UBQLN1: variants seen among roughly 807,000 people sequenced by gnomAD.
UBQLN1 encodes ubiquilin-1.
Under a neutral mutation model 65.4 loss-of-function variants are expected in UBQLN1, and 13 were observed. That is an observed-to-expected ratio of 0.20 (90% CI 0.13 to 0.32). The LOEUF (loss-of-function observed/expected upper bound fraction) is 0.32, where lower values mean the gene tolerates loss of function less well. Ranked by LOEUF, UBQLN1 falls within the 10% of genes least tolerant of loss-of-function variation. UBQLN1 has a pLI of 1.00. For synonymous variants in UBQLN1, 267 were observed against 247.8 expected, an observed-to-expected ratio of 1.08 and a Z score of -0.73; for missense variants, 561 against 724.0, an observed-to-expected ratio of 0.77 and a Z score of 2.58.
rs149603256 is a variant in UBQLN1 at position 83,670,363 on chromosome 9, T to C, written c.1106-1036A>G. ...AGTTCTTGTTTTTCCTATTTTCTCA[T>C]GTTGTAAATTTTAACTTAGTTTTTT... On this transcript the variant is annotated intron_variant, in intron 6 of 10. Transcript: ENST00000376395. 1.1e-3 allele frequency among the ~76,000 whole-genome samples: 162 copies of C among 152,276 alleles called. 5 individuals carry two copies. In the East Asian group the frequency reaches 0.024, roughly 22 times the overall value.
chr9:83,690,417 G>A (rs1171338339), intron 1 of UBQLN1, among the ~76,000 whole-genome samples: 2 of 152,052 alleles, frequency 1.3e-5, no homozygotes. Flanking sequence ...TGAGAATAGT[G>A]GTTACCTTAA....
intron 1 of UBQLN1, among the ~76,000 whole-genome samples, chr9:83,705,222 T>C (rs1025826596): frequency 3.4e-5 from 5 of 148,854 alleles, no homozygotes; most frequent in South Asian, 2.1e-4. Context: ...TTTTTCAGTA[T>C]ATGTGCTGCT....
chr9:83,673,601 T>G (rs1831777368), intron 6 of UBQLN1, among the ~76,000 whole-genome samples: 1 of 150,344 alleles, frequency 6.7e-6, no homozygotes, highest in Non-Finnish European at 1.5e-5. Flanking sequence ...GTTTTTATTT[T>G]TAAATAGTTA....
At chr9:83,668,154 T>C in intron 7 of UBQLN1, 6 of 985,402 alleles carry the variant, frequency 6.1e-6, no homozygotes, top group Non-Finnish European at 7.2e-6. Context: ...GTACCTCCAA[T>C]ATACAGAATC....
chr9:83,702,535 T>C (rs996727310), intron 1 of UBQLN1, among the ~76,000 whole-genome samples: 1 of 152,198 alleles, frequency 6.6e-6, no homozygotes, highest in African/African-American at 2.4e-5. Context: ...TAAGCAGCCA[T>C]ACTGAAAAAA....
intron 2 of UBQLN1, among the ~76,000 whole-genome samples, chr9:83,684,139 G>C (rs904320697): frequency 1.3e-5 from 2 of 151,998 alleles, no homozygotes; most frequent in Admixed American, 6.6e-5. Context: ...AATAAAAAGC[G>C]AGAGACTTCA....
intron 1 of UBQLN1, among the ~76,000 whole-genome samples, chr9:83,705,988 G>T (rs1490433383): frequency 6.6e-6 from 1 of 151,924 alleles, no homozygotes. Flanking sequence ...TGAAATGACT[G>T]GGAAAAGGCA....
intron 2 of UBQLN1, among the ~76,000 whole-genome samples, chr9:83,685,527 G>A (rs1325222980): frequency 6.6e-6 from 1 of 151,738 alleles, no homozygotes; most frequent in Admixed American, 6.6e-5. Context: ...GGTGCCAGCT[G>A]GACACTGTGG....
rs867795971 is a variant in UBQLN1, at chr9:83,707,598, C to T, written c.82G>A (p.Ala28Thr). The T allele has an allele frequency of 1.2e-6, 2 of 1,600,488 alleles. No individual in the cohort carries two copies. Among genetic ancestry groups the T allele is most frequent in the Non-Finnish European group, 1.7e-6 (2 of 1,174,278 alleles). The change falls in exon 1 of 11, where the codon GCC becomes ACC. Residue 28 changes from alanine to threonine, a missense_variant. Coordinates refer to ENST00000376395, the MANE Select transcript of UBQLN1 (RefSeq NM_013438.5). ...AGAEGAGAPA[A>T]AASAEPKIMK... ...ATTTTGGGCTCCGCGGAGGCAGCGG[C>T]CGCGGGGGCGCCAGCACCTTCGGCT...
intron 1 of UBQLN1, among the ~76,000 whole-genome samples, chr9:83,693,850 G>A (rs924758076): frequency 4.6e-5 from 7 of 152,178 alleles, no homozygotes; most frequent in African/African-American, 9.7e-5. Context: ...GTGTGACCTG[G>A]AGGATGTTAC....
intron 1 of UBQLN1, among the ~76,000 whole-genome samples, chr9:83,697,838 C>T (rs1272869502): frequency 1.4e-5 from 2 of 147,758 alleles, no homozygotes; most frequent in Non-Finnish European, 3.0e-5. Context: ...CAGGTTCAAG[C>T]GATTCTCCCG....
At chr9:83,683,218 C>G in intron 2 of UBQLN1, 152 bp from the exon 3 acceptor site, 1 of 485,672 alleles carries the variant, frequency 2.1e-6, no homozygotes, top group Non-Finnish European at 3.7e-6. Flanking sequence ...AGAGAACATC[C>G]TGGCTAACAC....
At chr9:83,685,613 C>CT (rs1401204146) in intron 2 of UBQLN1, among the ~76,000 whole-genome samples, 1 of 122,708 alleles carries the variant, frequency 8.1e-6, no homozygotes, top group Non-Finnish European at 1.6e-5. Flanking sequence ...GACTCTGTCT[C>CT]TTAAAAAAAA....
At chr9:83,671,470 A>T (rs1345704553) in intron 6 of UBQLN1, among the ~76,000 whole-genome samples, 29 of 152,280 alleles carry the variant, frequency 1.9e-4, no homozygotes, top group African/African-American at 6.3e-4. Flanking sequence ...TGCAGAATGA[A>T]TGCTGTGTTA....
At chr9:83,664,147 A>G in intron 9 of UBQLN1, 104 bp from the exon 10 acceptor site, 18 of 1,338,270 alleles carry the variant, frequency 1.3e-5, no homozygotes, top group Non-Finnish European at 1.8e-5. Context: ...TTCTTAAAAT[A>G]AGCCCTTTTG....
At chr9:83,690,943 G>GCCTAGCCAACATGGCAAAAC (rs894006079) in intron 1 of UBQLN1, among the ~76,000 whole-genome samples, 1 of 152,086 alleles carries the variant, frequency 6.6e-6, no homozygotes, top group African/African-American at 2.4e-5. Flanking sequence ...TTCGAGACTA[G>GCCTAGCCAACATGGCAAAAC]CCTAGCCAAC....
intron 1 of UBQLN1, 25 bp downstream of exon 1, chr9:83,707,475 C>A: frequency 6.3e-7 from 1 of 1,594,594 alleles, no homozygotes. Flanking sequence ...ACCCCCATCC[C>A]GGCCCGAGCC....
chr9:83,698,630 T>C (rs143755407), intron 1 of UBQLN1, among the ~76,000 whole-genome samples: 132 of 152,324 alleles, frequency 8.7e-4, no homozygotes, highest in Non-Finnish European at 1.5e-3. Context: ...CAGTAAATTC[T>C]GGCTGGGTGC....
intron 3 of UBQLN1, among the ~76,000 whole-genome samples, chr9:83,681,477 G>A (rs62559845): frequency 3.7e-4 from 56 of 152,304 alleles, no homozygotes; most frequent in Non-Finnish European, 7.6e-4. Context: ...GGATATTATG[G>A]TAATATAACC....
Sources: allele counts gnomAD v4.1 joint callset (sites outside exome capture counted in the v4.1 genomes callset), GRCh38; gene constraint gnomAD v4.1.1; transcripts MANE v1.5; gene names NCBI Gene and HGNC (gene_info 2026-07-23, HGNC 2026-07-21).